Variants in GLRA3 observed in about 807,000 individuals in gnomAD.
GLRA3 encodes the protein glycine receptor subunit alpha-3.
In GLRA3, 44 loss-of-function variants were observed where a neutral mutation model predicts 60.4. That is an observed-to-expected ratio of 0.73 (90% CI 0.57 to 0.94). The LOEUF (loss-of-function observed/expected upper bound fraction) is 0.94. GLRA3 is among the 40% of genes least tolerant of loss of function. The pLI, the probability that GLRA3 is intolerant of heterozygous loss-of-function variation, is 0.00. For synonymous variants in GLRA3, 223 were observed against 192.9 expected (o/e 1.16, Z -1.29); for missense variants, 508 against 564.6 (o/e 0.90, Z 1.02).
intron 1 of GLRA3, among the ~76,000 whole-genome samples, chr4:174,822,704 C>T (rs1740788080): frequency 6.6e-6 from 1 of 152,076 alleles, no homozygotes; most frequent in South Asian, 2.1e-4. Flanking sequence ...GCCATAATTC[C>T]TGATTGGTTA....
chr4:174,675,864 T>C (rs1734098692), intron 7 of GLRA3, among the ~76,000 whole-genome samples: 1 of 152,140 alleles, frequency 6.6e-6, no homozygotes, highest in Non-Finnish European at 1.5e-5. Flanking sequence ...TATATGGGCA[T>C]TTCAATCTAA....
intron 1 of GLRA3, among the ~76,000 whole-genome samples, chr4:174,811,268 T>G (rs567420610): frequency 6.6e-6 from 1 of 151,746 alleles, no homozygotes; most frequent in Non-Finnish European, 1.5e-5. Flanking sequence ...ATAACAAACT[T>G]AATAAAAACG....
chr4:174,741,734 G>C (rs1393563207), intron 3 of GLRA3, among the ~76,000 whole-genome samples: 2 of 151,914 alleles, frequency 1.3e-5, no homozygotes, highest in East Asian at 1.9e-4. Context: ...TTCATATTTA[G>C]GTTTGCGGTC....
At chr4:174,687,427 G>T (rs1049893230) in intron 5 of GLRA3, among the ~76,000 whole-genome samples, 1 of 152,134 alleles carries the variant, frequency 6.6e-6, no homozygotes, top group Non-Finnish European at 1.5e-5. Flanking sequence ...TTCTTTCAAG[G>T]AAAATCACTG....
At chr4:174,648,731 T>A (rs772844720) in intron 9 of GLRA3, among the ~76,000 whole-genome samples, 1 of 152,076 alleles carries the variant, frequency 6.6e-6, no homozygotes, top group African/African-American at 2.4e-5. Context: ...GTATATTAAC[T>A]CTTGGAGCTA....
intron 7 of GLRA3, among the ~76,000 whole-genome samples, chr4:174,670,513 A>G (rs1041077355): frequency 6.6e-6 from 1 of 152,138 alleles, no homozygotes; most frequent in African/African-American, 2.4e-5. Context: ...GGTGGATGAC[A>G]TTGTTTACGT....
chr4:174,651,490 C>T (rs531260709), intron 9 of GLRA3, among the ~76,000 whole-genome samples: 36 of 152,128 alleles, frequency 2.4e-4, no homozygotes, highest in Middle Eastern at 6.8e-3. Context: ...TGTAATATTA[C>T]ATTATTCTAG....
intron 6 of GLRA3, among the ~76,000 whole-genome samples, chr4:174,677,819 C>T (rs1734190763): frequency 6.6e-6 from 1 of 152,168 alleles, no homozygotes; most frequent in Admixed American, 6.5e-5. Context: ...AACTTTATTA[C>T]TTCCGACTTG....
chr4:174,694,556 T>C (rs1734978272), intron 5 of GLRA3, among the ~76,000 whole-genome samples: 1 of 152,152 alleles, frequency 6.6e-6, no homozygotes, highest in Non-Finnish European at 1.5e-5. Context: ...AGATACAACA[T>C]ACCAGAATCT....
chr4:174,691,395 CG>C (rs746241309), intron 5 of GLRA3, among the ~76,000 whole-genome samples: 65 of 152,062 alleles, frequency 4.3e-4, no homozygotes, highest in Non-Finnish European at 4.4e-5. Flanking sequence ...TCTCTCCCCA[CG>C]GTCTCCCTCT....
At chr4:174,700,593 G>A (rs1735269419) in intron 5 of GLRA3, among the ~76,000 whole-genome samples, 1 of 152,200 alleles carries the variant, frequency 6.6e-6, no homozygotes, top group African/African-American at 2.4e-5. Context: ...GTTAAGCTTA[G>A]TGAGGAAGGT....
chr4:174,658,626 G>A (rs1166190831), intron 8 of GLRA3, among the ~76,000 whole-genome samples: 2 of 152,004 alleles, frequency 1.3e-5, no homozygotes, highest in Non-Finnish European at 2.9e-5. Context: ...TATCATCATG[G>A]TATTAGTAAA....
chr4:174,783,483 C>T (rs1363947970), intron 2 of GLRA3, among the ~76,000 whole-genome samples: 3 of 137,486 alleles, frequency 2.2e-5, no homozygotes, highest in African/African-American at 5.4e-5. Context: ...CCTAATTAAA[C>T]TAAAGAGCTT....
intron 6 of GLRA3, among the ~76,000 whole-genome samples, chr4:174,681,787 A>AT (rs1734355710): frequency 2.0e-5 from 3 of 152,118 alleles, no homozygotes; most frequent in African/African-American, 7.2e-5. Context: ...ACTCTAGGGG[A>AT]TTTTTAGCAT....
rs1732686345 is a variant in GLRA3 at position 174,643,379 on chromosome 4, C to T, written c.*407G>A. 6.0e-6 allele frequency: 2 copies of T among 334,208 alleles called. No individual in the cohort carries two copies. The highest frequency in any genetic ancestry group is 3.4e-4 in the South Asian group (2 of 5,800). 20.7% of individuals were successfully genotyped at this position (334,208 alleles called of 1,614,324 possible). On this transcript the variant is annotated 3_prime_UTR_variant, in exon 10 of 10. Coordinates refer to ENST00000274093, the MANE Select transcript of GLRA3 (RefSeq NM_006529.4). ...ATACTATAAGAAAATAGTTTTAAAT[C>T]TCAAACTATTGGTTTACTGTGCAAA...
intron 2 of GLRA3, among the ~76,000 whole-genome samples, chr4:174,787,069 T>G (rs1183614406): frequency 6.6e-6 from 1 of 152,132 alleles, no homozygotes; most frequent in African/African-American, 2.4e-5. Context: ...CATTTTTAAA[T>G]AGTTTAATGT....
intron 4 of GLRA3, among the ~76,000 whole-genome samples, chr4:174,725,612 C>T (rs1736294047): frequency 1.3e-5 from 2 of 152,256 alleles, no homozygotes; most frequent in Admixed American, 6.5e-5. Flanking sequence ...TTCCTAGTCA[C>T]TGGGAACACA....
At chr4:174,799,224 C>T (rs1739709271) in intron 1 of GLRA3, among the ~76,000 whole-genome samples, 1 of 152,026 alleles carries the variant, frequency 6.6e-6, no homozygotes, top group Admixed American at 6.6e-5. Context: ...GATGAAGAAA[C>T]AAAGGTATAT....
At chr4:174,741,019 G>T (rs187152536) in intron 3 of GLRA3, among the ~76,000 whole-genome samples, 2 of 152,148 alleles carry the variant, frequency 1.3e-5, no homozygotes, top group African/African-American at 4.8e-5. Context: ...TTGTGATTAT[G>T]GATAATGCTG....
Sources: gnomAD v4.1 joint callset for allele counts (sites outside exome capture counted in the v4.1 genomes callset) on GRCh38, gnomAD v4.1.1 for gene constraint, MANE v1.5 for transcripts, NCBI Gene and HGNC (gene_info 2026-07-23, HGNC 2026-07-21) for gene names.